The following ANKFN1 variants were observed in gnomAD, a reference collection of about 807,000 sequenced individuals.
ANKFN1 encodes the protein ankyrin repeat and fibronectin type III domain containing 1, also known as ankyrin repeat and fibronectin type-III domain-containing protein 1.
ANKFN1 carries 74 observed loss-of-function variants against 108.7 expected under a neutral mutation model. The observed-to-expected ratio is 0.68, with a 90% CI of 0.56 to 0.83. The LOEUF (loss-of-function observed/expected upper bound fraction) is 0.83, where lower values mean the gene tolerates loss of function less well. Ranked by LOEUF, ANKFN1 falls within the 40% of genes least tolerant of loss-of-function variation. ANKFN1 has a pLI of 0.00. For missense variants in ANKFN1, 1,505 were observed against 1,382.3 expected (o/e 1.09, Z -1.41); for synonymous variants, 547 against 516.2 (o/e 1.06, Z -0.81).
chr17:56,322,559 C>G (rs567504020), intron 3 of ANKFN1, among the ~76,000 whole-genome samples: 1 of 152,296 alleles, frequency 6.6e-6, no homozygotes, highest in South Asian at 2.1e-4. Context: ...AGACCAATTC[C>G]ATCAGCTCTT....
intron 4 of ANKFN1, among the ~76,000 whole-genome samples, chr17:56,127,241 C>A (rs747058730): frequency 6.6e-6 from 1 of 152,154 alleles, no homozygotes; most frequent in Non-Finnish European, 1.5e-5. Flanking sequence ...ATATATTGTC[C>A]TCATATGTAG....
chr17:56,318,242 G>C (rs946897041), intron 3 of ANKFN1, among the ~76,000 whole-genome samples: 3 of 152,054 alleles, frequency 2.0e-5, no homozygotes, highest in South Asian at 2.1e-4. Context: ...ATGGTTCTGG[G>C]GGGGGTGTGC....
At chr17:56,499,149 C>G in intron 20 of ANKFN1, 51 bp downstream of exon 20, 1 of 1,484,048 alleles carries the variant, frequency 6.7e-7, no homozygotes, top group Non-Finnish European at 9.1e-7. Context: ...ACTTTTGATC[C>G]TCTCTTCACT....
intron 1 of ANKFN1, chr17:56,195,192 G>A (rs143136694): frequency 0.011 from 1,640 of 152,250 alleles, 17 homozygotes; most frequent in Middle Eastern, 0.031. Context: ...TGGCCCTTTC[G>A]GAAGTTGAAT....
chr17:56,359,935 C>T (rs542058650), intron 6 of ANKFN1, among the ~76,000 whole-genome samples: 14 of 152,278 alleles, frequency 9.2e-5, no homozygotes, highest in African/African-American at 2.9e-4. Context: ...GAAAATCTGA[C>T]TCGTTGCTGA....
chr17:56,378,904 C>T (rs2047013879), intron 8 of ANKFN1, among the ~76,000 whole-genome samples: 3 of 152,316 alleles, frequency 2.0e-5, no homozygotes, highest in South Asian at 4.1e-4. Flanking sequence ...TACATCCTTA[C>T]TCATCCTACT....
chr17:56,394,550 C>A (rs1186903495), intron 8 of ANKFN1, among the ~76,000 whole-genome samples: 2 of 151,998 alleles, frequency 1.3e-5, no homozygotes, highest in Admixed American at 6.5e-5. Context: ...TGCCAAGTTT[C>A]CCCTGCCCCC....
At chr17:56,356,177 C>T (rs986218001) in intron 6 of ANKFN1, among the ~76,000 whole-genome samples, 3 of 152,082 alleles carry the variant, frequency 2.0e-5, no homozygotes, top group African/African-American at 2.4e-5. Context: ...TCATGCAGCA[C>T]TCACCCTGTG....
chr17:56,353,844 G>T lies in ANKFN1; in HGVS notation c.399G>T (p.Gln133His). ...LSLRKTSVNF[Q>H]GNEAMFEAVE... ...CTTTTGCTCCTCTCTAGAATTTCCA[G>T]GGCAATGAAGCCATGTTTGAGGCAG... The change falls in exon 6 of 21, where the codon CAG becomes CAT. Residue 133 changes from glutamine (Q) to histidine (H), a missense_variant. Physicochemically the swap from Gln to His is conservative, Grantham distance 24 (BLOSUM62 0). Transcript: ENST00000682825. 1.2e-6 allele frequency: 2 copies of T among 1,613,920 alleles called. No individual in the cohort carries two copies. The highest frequency in any genetic ancestry group is 1.7e-6 in the Non-Finnish European group (2 of 1,179,924).
intron 3 of ANKFN1, among the ~76,000 whole-genome samples, chr17:56,307,320 T>A (rs930838049): frequency 2.6e-5 from 4 of 152,162 alleles, no homozygotes; most frequent in African/African-American, 9.7e-5. Flanking sequence ...ATTTTTGCAA[T>A]CTGCTCATCT....
chr17:56,391,487 C>T (rs761568532), intron 8 of ANKFN1, among the ~76,000 whole-genome samples: 5 of 151,028 alleles, frequency 3.3e-5, no homozygotes, highest in South Asian at 4.2e-4. Flanking sequence ...AGTGCAGTGG[C>T]GCTATCTCAG....
chr17:56,196,265 AACC>A (rs559494817), intron 1 of ANKFN1, among the ~76,000 whole-genome samples: 3 of 152,178 alleles, frequency 2.0e-5, no homozygotes, highest in Admixed American at 6.6e-5. Flanking sequence ...AAGGCAAAAC[AACC>A]ACCACCACCA....
intron 4 of ANKFN1, among the ~76,000 whole-genome samples, chr17:56,345,500 CT>C (rs1367912317): frequency 6.6e-6 from 1 of 152,130 alleles, no homozygotes; most frequent in Non-Finnish European, 1.5e-5. Context: ...CTAATTTACA[CT>C]CCCACCAACA....
At chr17:56,322,915 C>T (rs916296350) in intron 3 of ANKFN1, among the ~76,000 whole-genome samples, 2 of 152,176 alleles carry the variant, frequency 1.3e-5, no homozygotes, top group African/African-American at 2.4e-5. Flanking sequence ...GGGAGCAATG[C>T]GCCCTCCCAA....
chr17:56,374,537 G>A, intron 7 of ANKFN1, 64 bp from the exon 8 acceptor site: 2 of 1,193,650 alleles, frequency 1.7e-6, no homozygotes, highest in Admixed American at 1.8e-5. Flanking sequence ...CTTTGAAGAG[G>A]GAGGAACGTT....
intron 7 of ANKFN1, among the ~76,000 whole-genome samples, chr17:56,373,511 C>T (rs148367704): frequency 1.7e-3 from 260 of 152,216 alleles, no homozygotes; most frequent in African/African-American, 5.6e-3. Flanking sequence ...AGAAGGAGAT[C>T]GTAACTAAAC....
At chr17:56,167,241 G>A (rs1910202158) in intron 1 of ANKFN1, among the ~76,000 whole-genome samples, 1 of 143,602 alleles carries the variant, frequency 7.0e-6, no homozygotes. Flanking sequence ...ATAGATGTGT[G>A]TGTATATATG....
At chr17:56,288,185 C>T (rs149992318) in intron 3 of ANKFN1, among the ~76,000 whole-genome samples, 132 of 152,258 alleles carry the variant, frequency 8.7e-4, no homozygotes, top group African/African-American at 3.0e-3. Flanking sequence ...AGAAAAGTCT[C>T]TCTCCTATCC....
At chr17:56,201,280 T>G (rs1263823781) in intron 1 of ANKFN1, among the ~76,000 whole-genome samples, 1 of 152,192 alleles carries the variant, frequency 6.6e-6, no homozygotes, top group Non-Finnish European at 1.5e-5. Flanking sequence ...ATCGCTGTTC[T>G]TCTACCTAGA....
Sources: allele counts gnomAD v4.1 joint callset (sites outside exome capture counted in the v4.1 genomes callset), GRCh38; gene constraint gnomAD v4.1.1; transcripts MANE v1.5; gene names NCBI Gene and HGNC (gene_info 2026-07-23, HGNC 2026-07-21).